Variants in DLG2 observed in about 807,000 individuals in gnomAD.
DLG2 encodes discs large MAGUK scaffold protein 2.
Under a neutral mutation model 132.5 loss-of-function variants are expected in DLG2, and 45 were observed. The ratio of observed to expected loss-of-function variants is 0.34; its 90% confidence interval spans 0.27 to 0.44. The LOEUF (loss-of-function observed/expected upper bound fraction) is 0.44. DLG2 is among the 20% of genes least tolerant of loss of function. The pLI, the probability that DLG2 is intolerant of heterozygous loss-of-function variation, is 1.00. For synonymous variants in DLG2, 424 were observed against 419.6 expected, an observed-to-expected ratio of 1.01 and a Z score of -0.13; for missense variants, 1,045 against 1,196.9, an observed-to-expected ratio of 0.87 and a Z score of 1.87.
At chr11:85,030,469 T>G (rs1313917902) in intron 6 of DLG2, among the ~76,000 whole-genome samples, 1 of 152,230 alleles carries the variant, frequency 6.6e-6, no homozygotes. Context: ...TGTCTTGCAT[T>G]ATTAGAATCT....
intron 18 of DLG2, among the ~76,000 whole-genome samples, chr11:83,659,039 C>T (rs2073529234): frequency 6.6e-6 from 1 of 152,178 alleles, no homozygotes; most frequent in Admixed American, 6.5e-5. Flanking sequence ...CTTGTATTGC[C>T]TTGGCTGCCC....
At chr11:85,586,484 T>C (rs2078980109) in intron 3 of DLG2, among the ~76,000 whole-genome samples, 1 of 152,210 alleles carries the variant, frequency 6.6e-6, no homozygotes, top group African/African-American at 2.4e-5. Context: ...ATTTTCTAGT[T>C]TGTCCACATA....
intron 6 of DLG2, chr11:84,640,032 G>A: frequency 7.3e-6 from 2 of 272,252 alleles, no homozygotes; most frequent in African/African-American, 2.3e-5. Context: ...CGGCACTCCA[G>A]AAAATGTCAA....
intron 3 of DLG2, among the ~76,000 whole-genome samples, chr11:85,532,416 A>T (rs2075270159): frequency 6.6e-6 from 1 of 152,226 alleles, no homozygotes; most frequent in South Asian, 2.1e-4. Context: ...TGATTCTGCC[A>T]CAGATCACCT....
At chr11:83,993,844 A>T (rs1050190849) in intron 11 of DLG2, among the ~76,000 whole-genome samples, 2 of 152,182 alleles carry the variant, frequency 1.3e-5, no homozygotes, top group African/African-American at 4.8e-5. Flanking sequence ...CAGCACACAA[A>T]GCCACAAAAG....
At chr11:83,528,579 T>C (rs1182675918) in intron 21 of DLG2, among the ~76,000 whole-genome samples, 1 of 152,194 alleles carries the variant, frequency 6.6e-6, no homozygotes, top group Non-Finnish European at 1.5e-5. Flanking sequence ...ACCTAAGGCA[T>C]ATTTGTAATG....
chr11:84,416,206 A>T (rs115487017), intron 7 of DLG2, among the ~76,000 whole-genome samples: 20,925 of 152,058 alleles, frequency 0.14, 2,990 homozygotes, highest in African/African-American at 0.36. Context: ...TGTCAAAAAT[A>T]AAGTCCACAA....
intron 8 of DLG2, among the ~76,000 whole-genome samples, chr11:84,205,152 A>G (rs2096648982): frequency 6.6e-6 from 1 of 152,228 alleles, no homozygotes; most frequent in South Asian, 2.1e-4. Flanking sequence ...AAAGAGGGAT[A>G]TTTCATAAGG....
chr11:85,009,572 A>C (rs543598994), intron 6 of DLG2, among the ~76,000 whole-genome samples: 1 of 152,234 alleles, frequency 6.6e-6, no homozygotes, highest in Admixed American at 6.5e-5. Flanking sequence ...ATATCAAAAG[A>C]TACTCCTCAA....
intron 18 of DLG2, among the ~76,000 whole-genome samples, chr11:83,737,541 C>T (rs1430184579): frequency 4.6e-5 from 7 of 152,138 alleles, no homozygotes; most frequent in Non-Finnish European, 8.8e-5. Flanking sequence ...CAAATATATT[C>T]GGTGGCAAGG....
At chr11:85,599,515 TC>T (rs2080007041) in intron 2 of DLG2, among the ~76,000 whole-genome samples, 1 of 152,042 alleles carries the variant, frequency 6.6e-6, no homozygotes. Context: ...ATGACCCAGA[TC>T]TTACTTACTA....
At chr11:85,621,848 T>C (rs1428586511) in intron 2 of DLG2, among the ~76,000 whole-genome samples, 8 of 152,230 alleles carry the variant, frequency 5.3e-5, no homozygotes. Flanking sequence ...ATACACTTAG[T>C]TGATAAAGCA....
At chr11:84,672,502 A>G (rs2099706972) in intron 6 of DLG2, among the ~76,000 whole-genome samples, 1 of 152,192 alleles carries the variant, frequency 6.6e-6, no homozygotes, top group East Asian at 1.9e-4. Flanking sequence ...CAGCCTTACA[A>G]TAAGTTTAAG....
chr11:85,241,779 C>T (rs1285165170), intron 4 of DLG2, among the ~76,000 whole-genome samples: 1 of 151,890 alleles, frequency 6.6e-6, no homozygotes, highest in African/African-American at 2.4e-5. Context: ...TTTCTCCTTG[C>T]ATTAGATATG....
At chr11:85,241,165 G>C (rs2075858526) in intron 4 of DLG2, among the ~76,000 whole-genome samples, 1 of 151,180 alleles carries the variant, frequency 6.6e-6, no homozygotes, top group Non-Finnish European at 1.5e-5. Context: ...ATAATAAATG[G>C]TACCTTTTAA....
chr11:84,424,864 G>A (rs946587847), intron 7 of DLG2, among the ~76,000 whole-genome samples: 3 of 152,038 alleles, frequency 2.0e-5, no homozygotes, highest in Non-Finnish European at 4.4e-5. Context: ...AATCAGGCAT[G>A]ATCACAGAGC....
intron 6 of DLG2, among the ~76,000 whole-genome samples, chr11:84,536,183 C>T (rs2099355188): frequency 6.6e-6 from 1 of 152,138 alleles, no homozygotes; most frequent in African/African-American, 2.4e-5. Flanking sequence ...TTCCAAAGAA[C>T]TCTCACAAAC....
At chr11:84,716,795 C>CT (rs1301949257) in intron 6 of DLG2, among the ~76,000 whole-genome samples, 1 of 150,690 alleles carries the variant, frequency 6.6e-6, no homozygotes, top group Non-Finnish European at 1.5e-5. Flanking sequence ...CTCATGAGAA[C>CT]TTAAGGTTAG....
chr11:83,809,548 A>C (rs1172165976), intron 17 of DLG2, among the ~76,000 whole-genome samples: 1 of 152,166 alleles, frequency 6.6e-6, no homozygotes, highest in African/African-American at 2.4e-5. Flanking sequence ...TCTTAACACC[A>C]TCATTATAAA....
Sources: allele counts gnomAD v4.1 joint callset (sites outside exome capture counted in the v4.1 genomes callset), GRCh38; gene constraint gnomAD v4.1.1; transcripts MANE v1.5; gene names NCBI Gene and HGNC (gene_info 2026-07-23, HGNC 2026-07-21).